SPIDR: variants seen among roughly 807,000 people sequenced by gnomAD.
SPIDR encodes the protein DNA repair-scaffolding protein.
In SPIDR, 93 loss-of-function variants were observed where a neutral mutation model predicts 104.6. That is an observed-to-expected ratio of 0.89 (90% CI 0.75 to 1.06). SPIDR has a LOEUF of 1.06. SPIDR is among the 50% of genes least tolerant of loss of function. SPIDR has a pLI of 0.00. For synonymous variants in SPIDR, 431 were observed against 416.9 expected (o/e 1.03, Z -0.41); for missense variants, 1,154 against 1,111.2 (o/e 1.04, Z -0.55).
At chr8:47,448,910 A>G (rs2071188070) in intron 8 of SPIDR, among the ~76,000 whole-genome samples, 1 of 152,160 alleles carries the variant, frequency 6.6e-6, no homozygotes, top group Admixed American at 6.5e-5. Context: ...CGAAGTAGAA[A>G]TTCCAAGGCA....
rs201125764 is a variant in SPIDR at position 47,440,392 on chromosome 8, T to A, written c.947T>A (p.Met316Lys). 3.6e-3 allele frequency: 5,841 copies of A among 1,614,240 alleles called. 22 individuals carry two copies. The highest frequency in any genetic ancestry group is 4.4e-3 in the Non-Finnish European group (5,157 of 1,180,028). The change falls in exon 8 of 20, where the codon ATG (methionine) becomes AAG (lysine). Residue 316 changes from methionine to lysine, a missense_variant. Met to Lys is a moderately conservative substitution (Grantham distance 95). Transcript: ENST00000297423. ...LHEECAMQVA[M>K]CEQLLGSPAT... is the part of the protein sequence containing the mutation. ...GAGGAATGTGCCATGCAAGTTGCCA[T>A]GTGTGAGCAGTTATTGGGGTCACCA...
chr8:47,654,119 C>T (rs1045928887), intron 10 of SPIDR: 4 of 1,289,810 alleles, frequency 3.1e-6, no homozygotes, highest in Non-Finnish European at 4.0e-6. Flanking sequence ...ATGCAGGAGC[C>T]ATTGGGATAC....
At chr8:47,358,999 A>G (rs2055147726) in intron 5 of SPIDR, among the ~76,000 whole-genome samples, 1 of 152,212 alleles carries the variant, frequency 6.6e-6, no homozygotes, top group Non-Finnish European at 1.5e-5. Context: ...TCATGTTAAG[A>G]CACTAACTCT....
intron 5 of SPIDR, among the ~76,000 whole-genome samples, chr8:47,333,805 A>T (rs1370271466): frequency 1.3e-5 from 2 of 152,222 alleles, no homozygotes; most frequent in African/African-American, 2.4e-5. Context: ...CCATGACATC[A>T]TTAGGTAATA....
At position 47,467,397 on chromosome 8, in the gene SPIDR, A is replaced by G. The variant is rs895944225; in HGVS notation, c.1097+26855A>G. The stretch of plus-strand genomic sequence containing the variant: ...CATCATGCTAATATCAAAACCTGGC[A>G]CAGACACAACAAAAAAGAAAACTTT... On this transcript the variant is annotated intron_variant, in intron 8 of 19. Transcript: ENST00000297423. 2.7e-4 allele frequency among the ~76,000 whole-genome samples: 41 copies of G among 152,148 alleles called. 1 individual carries two copies. The highest frequency in any genetic ancestry group is 4.6e-4 in the Non-Finnish European group (31 of 68,002).
At chr8:47,712,937 G>A in intron 15 of SPIDR, 65 bp downstream of exon 15, 1 of 1,596,016 alleles carries the variant, frequency 6.3e-7, no homozygotes, top group Non-Finnish European at 8.5e-7. Flanking sequence ...AATACCTCTT[G>A]TGGCCTCTGG....
At chr8:47,511,355 C>CAGTGCTGCTCGGTGT in intron 8 of SPIDR, 2 of 1,071,834 alleles carry the variant, frequency 1.9e-6, no homozygotes, top group Non-Finnish European at 2.9e-6. Flanking sequence ...ACCTAGGGGG[C>CAGTGCTGCTCGGTGT]AGTGCTGCTC....
At chr8:47,322,510 T>C (rs7832841) in intron 5 of SPIDR, among the ~76,000 whole-genome samples, 26 of 152,072 alleles carry the variant, frequency 1.7e-4, no homozygotes, top group Non-Finnish European at 2.9e-4. Flanking sequence ...CTAGTTCAAC[T>C]ATTGTGGAAG....
chr8:47,599,014 C>T lies in SPIDR; in HGVS notation c.1362C>T (p.Arg454=). ...ATGGGCACAAAGAAGCAAAACAGCGCATCCCAACCAGCACTCCCCTGAGGG... is the reference window on the plus strand; with the variant it reads ...ATGGGCACAAAGAAGCAAAACAGCGTATCCCAACCAGCACTCCCCTGAGGG... ...WTHGHKEAKQ[R]IPTSTPLRDS... is the part of the protein sequence containing the mutation. The change falls in exon 10 of 20, where the codon CGC becomes CGT. Residue 454 remains arginine, a synonymous_variant. Coordinates refer to ENST00000297423, the MANE Select transcript of SPIDR (RefSeq NM_001080394.4). 1 of 1,613,516 alleles carries T rather than the reference C, an allele frequency of 6.2e-7. No individual in the cohort carries two copies.
chr8:47,594,019 G>A (rs2061364533), intron 8 of SPIDR, among the ~76,000 whole-genome samples: 1 of 151,708 alleles, frequency 6.6e-6, no homozygotes, highest in African/African-American at 2.4e-5. Flanking sequence ...CCCCCAGGTA[G>A]TCTCTCCATT....
At chr8:47,600,805 C>T (rs1164717318) in intron 10 of SPIDR, among the ~76,000 whole-genome samples, 1 of 152,146 alleles carries the variant, frequency 6.6e-6, no homozygotes, top group East Asian at 1.9e-4. Flanking sequence ...CAATGAGGAA[C>T]TTGGTAGAGC....
chr8:47,619,867 T>C lies in SPIDR; in HGVS notation c.1544+20671T>C, dbSNP rs528944997. 2.0e-5 allele frequency among the ~76,000 whole-genome samples: 3 copies of C among 152,318 alleles called. No homozygotes were observed. In the East Asian group the frequency reaches 5.8e-4, roughly 29 times the overall value. On this transcript the variant is annotated intron_variant, in intron 10 of 19. Coordinates refer to ENST00000297423, the MANE Select transcript of SPIDR (RefSeq NM_001080394.4). ...TAATTTTAGCCACCTGCTCAGCACA[T>C]GTATTCTATTTCCCCCACCGTGCTG...
chr8:47,489,715 G>A (rs1399833371), intron 8 of SPIDR, among the ~76,000 whole-genome samples: 1 of 152,174 alleles, frequency 6.6e-6, no homozygotes, highest in African/African-American at 2.4e-5. Flanking sequence ...ACAACCATCT[G>A]ATCTTTGGCA....
intron 10 of SPIDR, among the ~76,000 whole-genome samples, chr8:47,620,908 A>G (rs546862453): frequency 1.3e-5 from 2 of 151,610 alleles, no homozygotes; most frequent in African/African-American, 4.8e-5. Flanking sequence ...ATTAGCTAGC[A>G]TGCCTGGCCC....
chr8:47,730,770 AC>A (rs2085070963), intron 19 of SPIDR, among the ~76,000 whole-genome samples: 1 of 151,498 alleles, frequency 6.6e-6, no homozygotes, highest in African/African-American at 2.4e-5. Flanking sequence ...CTGCCCCACT[AC>A]CCCTGCCACC....
intron 5 of SPIDR, among the ~76,000 whole-genome samples, chr8:47,393,024 TC>T (rs797034148): frequency 1.1e-4 from 16 of 152,298 alleles, no homozygotes; most frequent in African/African-American, 3.4e-4. Flanking sequence ...CACATAATTT[TC>T]CATAGATAGT....
intron 8 of SPIDR, among the ~76,000 whole-genome samples, chr8:47,568,181 G>A (rs908443481): frequency 3.9e-5 from 6 of 151,994 alleles, no homozygotes; most frequent in Non-Finnish European, 8.8e-5. Flanking sequence ...GTAGTTACGA[G>A]CATGAATCTA....
At chr8:47,512,001 T>C in intron 8 of SPIDR, 1 of 777,404 alleles carries the variant, frequency 1.3e-6, no homozygotes, top group Non-Finnish European at 2.3e-6. Context: ...TTATGATGTC[T>C]TCTTCCCCTC....
intron 10 of SPIDR, among the ~76,000 whole-genome samples, chr8:47,647,643 A>AGAGAGAGAGAGAGAGAGAGG (rs1563415853): frequency 1.4e-5 from 2 of 147,568 alleles, no homozygotes; most frequent in Non-Finnish European, 3.0e-5. Context: ...AGAGAGAGAG[A>AGAGAGAGAGAGAGAGAGAGG]GAGAGAGAGA....
Sources: allele counts gnomAD v4.1 joint callset (sites outside exome capture counted in the v4.1 genomes callset), GRCh38; gene constraint gnomAD v4.1.1; transcripts MANE v1.5; gene names NCBI Gene and HGNC (gene_info 2026-07-23, HGNC 2026-07-21).